Variants in MEF2C observed in about 807,000 individuals in gnomAD.
The protein encoded by MEF2C is myocyte-specific enhancer factor 2C.
Under a neutral mutation model 50.5 loss-of-function variants are expected in MEF2C, and 6 were observed. That is an observed-to-expected ratio of 0.12 (90% CI 0.07 to 0.23). The LOEUF is 0.23. Among genes scored for constraint, MEF2C ranks in the 10% least tolerant of loss-of-function variants. The pLI is 1.00. For missense variants in MEF2C, 276 were observed against 605.0 expected, an observed-to-expected ratio of 0.46 and a Z score of 5.70; for synonymous variants, 183 against 228.0, an observed-to-expected ratio of 0.80 and a Z score of 1.78.
At chr5:88,762,165 T>G (rs1463394126) in intron 3 of MEF2C, among the ~76,000 whole-genome samples, 1 of 152,240 alleles carries the variant, frequency 6.6e-6, no homozygotes, top group Non-Finnish European at 1.5e-5. Context: ...GTGCCTCATC[T>G]TGAACCTCCT....
intron 3 of MEF2C, among the ~76,000 whole-genome samples, chr5:88,778,873 T>G (rs1786252080): frequency 6.6e-6 from 1 of 152,132 alleles, no homozygotes; most frequent in Non-Finnish European, 1.5e-5. Context: ...TGCCAGAAAA[T>G]CTGCACTGTT....
chr5:88,801,295 A>G (rs1375636406), intron 3 of MEF2C, among the ~76,000 whole-genome samples: 2 of 152,210 alleles, frequency 1.3e-5, no homozygotes, highest in East Asian at 3.9e-4. Context: ...AGTTAAATGT[A>G]TTCCATTAAA....
intron 3 of MEF2C, chr5:88,772,807 A>G (rs1782977220): frequency 2.4e-5 from 24 of 985,414 alleles, no homozygotes; most frequent in South Asian, 4.7e-5. Context: ...TGGTTATTCT[A>G]TAGTGATCTG....
intron 4 of MEF2C, among the ~76,000 whole-genome samples, chr5:88,757,686 C>T (rs543030706): frequency 5.3e-5 from 8 of 152,250 alleles, no homozygotes; most frequent in African/African-American, 1.2e-4. Flanking sequence ...GAGGCCGAGA[C>T]GGGCGGATCA....
chr5:88,838,296 G>A lies in MEF2C; in HGVS notation c.-142-14366C>T, dbSNP rs148746166. Among the ~76,000 whole-genome samples the A allele has an allele frequency of 2.0e-5, 3 of 152,016 alleles. No individual in the cohort carries two copies. In the East Asian group the frequency reaches 5.8e-4, roughly 29 times the overall value. ...GGCAAAAATGAGTTTACTTCCCTGT[G>A]CCAGCAGGGGAATAGAATGTAAGTT... On this transcript the variant is annotated intron_variant, in intron 1 of 10. Coordinates refer to ENST00000504921, the MANE Select transcript of MEF2C (RefSeq NM_002397.5).
At chr5:88,765,553 C>T (rs1465386908) in intron 3 of MEF2C, among the ~76,000 whole-genome samples, 1 of 152,188 alleles carries the variant, frequency 6.6e-6, no homozygotes, top group Admixed American at 6.5e-5. Flanking sequence ...TCGATATGAA[C>T]GAAAGGGCTG....
At chr5:88,894,387 C>T (rs1834899578) in intron 1 of MEF2C, among the ~76,000 whole-genome samples, 1 of 152,136 alleles carries the variant, frequency 6.6e-6, no homozygotes, top group Admixed American at 6.5e-5. Flanking sequence ...TTTGTCCCAC[C>T]AGAAAATATT....
At chr5:88,760,292 T>C (rs1017888387) in intron 4 of MEF2C, among the ~76,000 whole-genome samples, 12 of 152,228 alleles carry the variant, frequency 7.9e-5, no homozygotes, top group African/African-American at 2.4e-4. Flanking sequence ...TATGATTGAC[T>C]GTTAGAATTT....
chr5:88,815,068 A>G (rs918984785), intron 2 of MEF2C, among the ~76,000 whole-genome samples: 10 of 152,142 alleles, frequency 6.6e-5, no homozygotes, highest in Admixed American at 4.6e-4. Flanking sequence ...TCATAAAATA[A>G]ATACCTTTGT....
chr5:88,892,037 G>A lies in MEF2C; in HGVS notation c.-239-4439C>T, dbSNP rs141253482. ...AATAACAATAAATTATTTTAAAAGT[G>A]TAGATTTACATTTTTATTTGAATTA... On this transcript the variant is annotated intron_variant, in intron 1 of 11. Coordinates refer to the MEF2C transcript ENST00000340208. 3 of 152,256 alleles carry A rather than the reference G, an allele frequency of 2.0e-5. No individual in the cohort carries two copies. The East Asian group carries it at 5.8e-4, about 29-fold the overall frequency. The allele number at this position is 152,256 out of a possible 1,614,324, so 9.4% of individuals were successfully genotyped here.
intron 2 of MEF2C, 43 bp downstream of exon 2, chr5:88,823,692 A>G: frequency 6.6e-7 from 1 of 1,514,354 alleles, no homozygotes. Flanking sequence ...TGGAGAAAAT[A>G]TAATTAATAA....
intron 3 of MEF2C, chr5:88,771,380 A>G (rs1782352162): frequency 1.1e-6 from 1 of 947,790 alleles, no homozygotes; most frequent in South Asian, 4.9e-5. Context: ...ACAAACCTTA[A>G]TTGTCCTAGG....
chr5:88,831,648 CAG>C (rs1813088958), intron 1 of MEF2C, among the ~76,000 whole-genome samples: 2 of 152,020 alleles, frequency 1.3e-5, no homozygotes, highest in African/African-American at 2.4e-5. Context: ...AAGGTTTACA[CAG>C]AAACTTTACA....
intron 5 of MEF2C, chr5:88,750,077 A>G (rs1243104121): frequency 1.5e-6 from 1 of 672,374 alleles, no homozygotes; most frequent in South Asian, 6.7e-5. Context: ...ACATTCAGCC[A>G]AAAGAATAAT....
intron 3 of MEF2C, among the ~76,000 whole-genome samples, chr5:88,765,984 T>C (rs1779875606): frequency 6.6e-6 from 1 of 152,198 alleles, no homozygotes; most frequent in Non-Finnish European, 1.5e-5. Flanking sequence ...GCGATTGTCA[T>C]ACTGTGAGCT....
At chr5:88,865,625 T>C (rs1827043436) in intron 1 of MEF2C, among the ~76,000 whole-genome samples, 1 of 152,186 alleles carries the variant, frequency 6.6e-6, no homozygotes, top group Non-Finnish European at 1.5e-5. Context: ...TCTTAGAGCG[T>C]GCTTTACAGT....
At chr5:88,790,115 A>T (rs1365702473) in intron 3 of MEF2C, among the ~76,000 whole-genome samples, 1 of 152,226 alleles carries the variant, frequency 6.6e-6, no homozygotes, top group African/African-American at 2.4e-5. Flanking sequence ...GAAATGTGCC[A>T]GAGTCCCACC....
At chr5:88,839,189 A>G (rs1816334340) in intron 1 of MEF2C, 1 of 152,176 alleles carries the variant, frequency 6.6e-6, no homozygotes, top group Non-Finnish European at 1.5e-5. Flanking sequence ...TCATAGGCAG[A>G]ACACCATGTA....
Position 88,865,386 on chromosome 5 carries a change from T to C in MEF2C, c.-143+17569A>G, listed in dbSNP as rs191651730. On this transcript the variant is annotated intron_variant, in intron 1 of 10. Transcript: ENST00000504921. ...GAGAAACTTAGTTGATTTTAGTCTT[T>C]GGATGATTAAATTTTTTAAAAAGGC... is the stretch of plus-strand genomic sequence containing the variant. Among the ~76,000 whole-genome samples the C allele has an allele frequency of 2.2e-3, 330 of 152,266 alleles. 4 individuals carry two copies. The highest frequency in any genetic ancestry group is 7.8e-3 in the African/African-American group (324 of 41,554).
Sources: gnomAD v4.1 joint callset for allele counts (sites outside exome capture counted in the v4.1 genomes callset) on GRCh38, gnomAD v4.1.1 for gene constraint, MANE v1.5 for transcripts, NCBI Gene and HGNC (gene_info 2026-07-23, HGNC 2026-07-21) for gene names.